MED16: variants seen among roughly 807,000 people sequenced by gnomAD.
The protein encoded by MED16 is mediator complex subunit 16, also known as mediator of RNA polymerase II transcription subunit 16.
In MED16, 81 loss-of-function variants were observed where a neutral mutation model predicts 84.4. The ratio of observed to expected loss-of-function variants is 0.96; its 90% CI spans 0.80 to 1.15. The LOEUF is 1.15. MED16 is among the 50% of genes most tolerant of loss of function. The pLI, the probability that MED16 is intolerant of heterozygous loss-of-function variation, is 0.00. For synonymous variants in MED16, 897 were observed against 552.2 expected, an observed-to-expected ratio of 1.62 and a Z score of -8.76; for missense variants, 1,585 against 1,245.9, an observed-to-expected ratio of 1.27 and a Z score of -4.10.
At chr19:868,810 AG>A (rs1339138044) in intron 14 of MED16, 52 bp downstream of exon 14, 1 of 1,515,304 alleles carries the variant, frequency 6.6e-7, no homozygotes, top group Non-Finnish European at 8.9e-7. Context: ...GAATCAGCTG[AG>A]CCATCCCCAG....
chr19:877,844 G>C (rs1423631698), intron 8 of MED16, among the ~76,000 whole-genome samples: 33 of 60,234 alleles, frequency 5.5e-4, no homozygotes, highest in East Asian at 2.6e-3. Flanking sequence ...TGCCCACCAA[G>C]CCCAGCCCCA....
At chr19:870,732 T>C (rs2036028152) in intron 13 of MED16, among the ~76,000 whole-genome samples, 1 of 137,058 alleles carries the variant, frequency 7.3e-6, no homozygotes. Context: ...AGGAGCCGTA[T>C]GGATTCGGGG....
chr19:885,197 C>T (rs763410910), intron 5 of MED16, among the ~76,000 whole-genome samples, 189 bp from the exon 6 acceptor site: 7 of 152,162 alleles, frequency 4.6e-5, no homozygotes, highest in Non-Finnish European at 1.0e-4. Flanking sequence ...CTCACAGGAA[C>T]GCAAATGTCC....
intron 2 of MED16, 98 bp downstream of exon 2, chr19:890,865 G>C: frequency 7.5e-7 from 1 of 1,328,862 alleles, no homozygotes; most frequent in South Asian, 1.3e-5. Context: ...GAGGTGGCCT[G>C]AGAGACCGAG....
intron 8 of MED16, among the ~76,000 whole-genome samples, chr19:879,392 G>A (rs1336120091): frequency 8.7e-6 from 1 of 115,418 alleles, no homozygotes; most frequent in Non-Finnish European, 1.7e-5. Context: ...ACATGCCCCA[G>A]CAGCTCACCT....
At chr19:887,542 T>C (rs908947193) in intron 4 of MED16, among the ~76,000 whole-genome samples, 3 of 152,046 alleles carry the variant, frequency 2.0e-5, no homozygotes, top group African/African-American at 7.2e-5. Flanking sequence ...GGTGCGTGCC[T>C]GTAATTCCAG....
chr19:873,354 TGAGGTGGTTTTGAGGGGCAGGGGCA>T lies in MED16; in HGVS notation c.1905+70_1905+94del, dbSNP rs1296762765. On this transcript the variant is annotated intron_variant, in intron 11 of 15. Coordinates refer to ENST00000325464, the MANE Select transcript of MED16 (RefSeq NM_005481.3). ...GCGGGACTCCAACTAGGGGCGGGGCTGAGGTGGTTTTGAGGGGCAGGGGCAGGGAAGCGGGGTCCTGATGAGATGG... is the reference window on the plus strand; with the variant it reads ...GCGGGACTCCAACTAGGGGCGGGGCTGGGAAGCGGGGTCCTGATGAGATGG... 7.2e-5 allele frequency: 79 copies of T among 1,100,828 alleles called. No homozygotes were observed. In the African/African-American group the frequency reaches 2.0e-3, roughly 28 times the overall value. 68.2% of individuals were successfully genotyped at this position (1,100,828 alleles called of 1,614,324 possible).
At chr19:887,774 T>C (rs1375893746) in intron 4 of MED16, among the ~76,000 whole-genome samples, 3 of 152,038 alleles carry the variant, frequency 2.0e-5, no homozygotes, top group African/African-American at 7.2e-5. Flanking sequence ...CACAGAAGGC[T>C]ACGCAGTGTG....
At chr19:871,321 C>G in intron 12 of MED16, 68 bp from the exon 13 acceptor site, 1 of 1,451,398 alleles carries the variant, frequency 6.9e-7, no homozygotes, top group Non-Finnish European at 9.2e-7. Context: ...CCGGGACGTG[C>G]TGGGAGCCCC....
chr19:873,590 G>T lies in MED16; in HGVS notation c.1772-8C>A, dbSNP rs768042281. The T allele has an allele frequency of 1.2e-6, 2 of 1,611,890 alleles. No individual in the cohort carries two copies. Among genetic ancestry groups the T allele is most frequent in the African/African-American group, 1.3e-5 (1 of 74,874 alleles). On this transcript the variant is annotated splice_polypyrimidine_tract_variant and splice_region_variant and intron_variant, in intron 10 of 15. Coordinates refer to ENST00000325464, the MANE Select transcript of MED16 (RefSeq NM_005481.3). Reference sequence around the variant, plus strand: ...TCATGACCTTGTCAATGTCTACAAGGAGACGTGGGTCGGGTCAGCTCGGGC... The same window carrying T: ...TCATGACCTTGTCAATGTCTACAAGTAGACGTGGGTCGGGTCAGCTCGGGC...
chr19:873,925 G>A (rs1292687410), intron 10 of MED16, among the ~76,000 whole-genome samples: 4 of 152,150 alleles, frequency 2.6e-5, no homozygotes, highest in Admixed American at 1.3e-4. Flanking sequence ...TGTGAACACA[G>A]GGGCATGTCC....
chr19:877,288 G>T (rs927264394), intron 8 of MED16, 108 bp from the exon 9 acceptor site: 2 of 1,028,042 alleles, frequency 1.9e-6, no homozygotes, highest in African/African-American at 3.6e-5. Context: ...CTGTGTGCGC[G>T]CACGCCCGTG....
intron 13 of MED16, 146 bp from the exon 14 acceptor site, chr19:869,092 G>A (rs945562690): frequency 1.5e-5 from 11 of 714,552 alleles, no homozygotes; most frequent in Middle Eastern, 8.0e-4. Flanking sequence ...GAACAGTGAG[G>A]TGGGAGGTGC....
At chr19:891,915 G>C (rs1395232490) in intron 1 of MED16, among the ~76,000 whole-genome samples, 13 of 129,620 alleles carry the variant, frequency 1.0e-4, no homozygotes, top group African/African-American at 3.5e-4. Flanking sequence ...TGTGGCCGAG[G>C]CGGGGCTGAG....
In MED16 at chr19:871,047, C is replaced by T. The variant is rs539478412; in HGVS notation, c.2305G>A (p.Gly769Ser). The T allele has an allele frequency of 3.4e-5, 53 of 1,542,936 alleles. No individual in the cohort carries two copies. Among genetic ancestry groups the T allele is most frequent in the Middle Eastern group, 2.0e-4 (1 of 5,118 alleles). The part of the protein sequence containing the change: ...PGSAATLQLD[G>S]LARAPGQPKI... Reference sequence around the variant, plus strand: ...CAGGGACACACGCACCTGGCGAGGCCGTCGAGCTGCAGGGTGGCAGCACTG... The same window carrying T: ...CAGGGACACACGCACCTGGCGAGGCTGTCGAGCTGCAGGGTGGCAGCACTG... Residue 769 changes from glycine to serine, a missense_variant, in exon 13 of 16, where the codon GGC (glycine) becomes AGC (serine). Transcript: ENST00000325464.
At chr19:883,883 G>C (rs10451478) in intron 6 of MED16, among the ~76,000 whole-genome samples, 5,692 of 152,222 alleles carry the variant, frequency 0.037, 105 homozygotes, top group Middle Eastern at 0.082. Context: ...ACCGGGCGAA[G>C]GAACGAGCCC....
intron 6 of MED16, 132 bp downstream of exon 6, chr19:884,771 T>A: frequency 1.5e-6 from 1 of 680,734 alleles, no homozygotes; most frequent in Non-Finnish European, 2.6e-6. Flanking sequence ...CTACTGGAGA[T>A]CGAGGCGAGA....
Position 877,368 on chromosome 19 carries a change from TG to T in MED16, c.1354-189del, listed in dbSNP as rs199862268. On this transcript the variant is annotated intron_variant, in intron 8 of 15. Coordinates refer to ENST00000325464, the MANE Select transcript of MED16 (RefSeq NM_005481.3). ...CTGTCAGGGTCATGCACAATGCCTC[TG>T]GGAACAGGGAAGGAAACCTCCCTGA... Among the ~76,000 whole-genome samples, 120 of 152,248 alleles carry T rather than the reference TG, an allele frequency of 7.9e-4. 1 individual carries two copies. In the East Asian group the frequency reaches 0.014, roughly 17 times the overall value.
chr19:881,797 T>C (rs897125601), intron 6 of MED16, 83 bp from the exon 7 acceptor site: 15 of 1,502,706 alleles, frequency 1.0e-5, no homozygotes, highest in African/African-American at 2.7e-5. Flanking sequence ...CATGGCCTGG[T>C]GTGCAACCTG....
Sources: gnomAD v4.1 joint callset for allele counts (sites outside exome capture counted in the v4.1 genomes callset) on GRCh38, gnomAD v4.1.1 for gene constraint, MANE v1.5 for transcripts, NCBI Gene and HGNC (gene_info 2026-07-23, HGNC 2026-07-21) for gene names.